Variants in PHTF2 observed in about 807,000 individuals in gnomAD.
PHTF2 encodes protein PHTF2.
In PHTF2, 60 loss-of-function variants were observed where a neutral mutation model predicts 101.2. That is an observed-to-expected ratio of 0.59 (90% CI 0.48 to 0.73). PHTF2 has a LOEUF of 0.73. PHTF2 is among the 30% of genes least tolerant of loss of function. The pLI is 0.00. For missense variants in PHTF2, 747 were observed against 908.7 expected, an observed-to-expected ratio of 0.82 and a Z score of 2.29; for synonymous variants, 311 against 307.3, an observed-to-expected ratio of 1.01 and a Z score of -0.13.
intron 3 of PHTF2, among the ~76,000 whole-genome samples, chr7:77,880,341 T>C (rs1000546050): frequency 6.6e-6 from 1 of 152,174 alleles, no homozygotes; most frequent in Non-Finnish European, 1.5e-5. Flanking sequence ...AATAGGAACA[T>C]TTTCAGGCTT....
chr7:77,888,848 G>T (rs1387708087), intron 3 of PHTF2, among the ~76,000 whole-genome samples: 1 of 147,164 alleles, frequency 6.8e-6, no homozygotes, highest in African/African-American at 2.6e-5. Context: ...CTGAGACCCT[G>T]TCTCAACAAA....
chr7:77,807,552 A>T (rs946465645), intron 1 of PHTF2, among the ~76,000 whole-genome samples: 6 of 152,066 alleles, frequency 3.9e-5, no homozygotes, highest in African/African-American at 1.4e-4. Context: ...AGGTTATTTG[A>T]TTTTTTGTTA....
intron 3 of PHTF2, among the ~76,000 whole-genome samples, chr7:77,866,574 C>A (rs1197956701): frequency 6.6e-6 from 1 of 151,864 alleles, no homozygotes; most frequent in Non-Finnish European, 1.5e-5. Context: ...ATCTGTAAAA[C>A]CTGACGTCTC....
At chr7:77,938,661 C>G (rs1209002355) in intron 13 of PHTF2, among the ~76,000 whole-genome samples, 3 of 152,170 alleles carry the variant, frequency 2.0e-5, no homozygotes, top group Non-Finnish European at 4.4e-5. Flanking sequence ...CCTGTAGTCC[C>G]AGCTACTCGG....
intron 2 of PHTF2, among the ~76,000 whole-genome samples, chr7:77,848,214 G>T (rs527251293): frequency 6.6e-6 from 1 of 152,242 alleles, no homozygotes; most frequent in Non-Finnish European, 1.5e-5. Flanking sequence ...CTATTTTGGG[G>T]TATATACCTA....
chr7:77,932,912 A>G (rs1435649459), intron 12 of PHTF2, among the ~76,000 whole-genome samples: 1 of 152,096 alleles, frequency 6.6e-6, no homozygotes, highest in Non-Finnish European at 1.5e-5. Context: ...TTCATTTTAC[A>G]TTGCTCAGAG....
chr7:77,884,972 C>T (rs1799709343), intron 3 of PHTF2, among the ~76,000 whole-genome samples: 1 of 152,076 alleles, frequency 6.6e-6, no homozygotes, highest in Non-Finnish European at 1.5e-5. Flanking sequence ...TAAACTTTGC[C>T]TATTAACATC....
intron 1 of PHTF2, among the ~76,000 whole-genome samples, chr7:77,802,289 T>A (rs1278761096): frequency 6.6e-6 from 1 of 152,214 alleles, no homozygotes; most frequent in Non-Finnish European, 1.5e-5. Context: ...TAATTGGAAA[T>A]TGCATACTTA....
chr7:77,955,124 G>T (rs1389913399), exon 20 of PHTF2: 1 of 256,934 alleles, frequency 3.9e-6, no homozygotes, highest in African/African-American at 2.2e-5. Flanking sequence ...TGATGAAACT[G>T]ATATCCAGAT....
At chr7:77,940,419 T>G in intron 14 of PHTF2, 109 bp from the exon 14 acceptor site, 1 of 1,295,868 alleles carries the variant, frequency 7.7e-7, no homozygotes, top group Non-Finnish European at 1.1e-6. Flanking sequence ...TTTTTTATTT[T>G]GCTTTTATAG....
intron 15 of PHTF2, among the ~76,000 whole-genome samples, chr7:77,941,049 C>T (rs967278420): frequency 1.3e-5 from 2 of 151,970 alleles, no homozygotes; most frequent in African/African-American, 4.8e-5. Context: ...TAGGAAAACA[C>T]TTTTTTTCTG....
intron 13 of PHTF2, among the ~76,000 whole-genome samples, chr7:77,939,782 C>T (rs549481412): frequency 6.6e-6 from 1 of 151,892 alleles, no homozygotes; most frequent in South Asian, 2.1e-4. Context: ...AAATTTTTTT[C>T]AAGATCTGGA....
chr7:77,806,164 C>CA (rs149083447), intron 1 of PHTF2, among the ~76,000 whole-genome samples: 23,094 of 125,542 alleles, frequency 0.18, 2,543 homozygotes, highest in African/African-American at 0.35. Context: ...GACTCCATCT[C>CA]AAAAAAAAAA....
intron 9 of PHTF2, among the ~76,000 whole-genome samples, chr7:77,913,387 G>GA (rs58943092): frequency 0.027 from 2,692 of 98,062 alleles, 40 homozygotes; most frequent in Middle Eastern, 0.17. Context: ...GACTCTGTCT[G>GA]AAAAAAAAAA....
At chr7:77,930,040 G>A (rs1804421215) in intron 12 of PHTF2, among the ~76,000 whole-genome samples, 1 of 143,436 alleles carries the variant, frequency 7.0e-6, no homozygotes, top group Non-Finnish European at 1.5e-5. Flanking sequence ...TGCAACCTTC[G>A]CCTCCCAGGT....
chr7:77,903,084 A>T (rs1211297272), intron 7 of PHTF2, among the ~76,000 whole-genome samples: 1 of 152,150 alleles, frequency 6.6e-6, no homozygotes. Flanking sequence ...ATGAACAGCT[A>T]CATTTTTTTT....
At chr7:77,851,007 T>A (rs1399623716) in intron 2 of PHTF2, among the ~76,000 whole-genome samples, 1 of 152,222 alleles carries the variant, frequency 6.6e-6, no homozygotes, top group Non-Finnish European at 1.5e-5. Context: ...TGTGTTATTG[T>A]ATTCGGTTTG....
At chr7:77,852,960 G>C (rs1197484672) in intron 2 of PHTF2, among the ~76,000 whole-genome samples, 3 of 152,086 alleles carry the variant, frequency 2.0e-5, no homozygotes, top group African/African-American at 7.2e-5. Flanking sequence ...ATGTATTGGA[G>C]CTCCATTGCA....
intron 3 of PHTF2, among the ~76,000 whole-genome samples, chr7:77,867,328 G>A (rs1408352980): frequency 1.3e-5 from 2 of 152,102 alleles, no homozygotes; most frequent in African/African-American, 4.8e-5. Context: ...TCGTTTTTGT[G>A]GATGGATATT....
Sources: gnomAD v4.1 joint callset for allele counts (sites outside exome capture counted in the v4.1 genomes callset) on GRCh38, gnomAD v4.1.1 for gene constraint, MANE v1.5 for transcripts, NCBI Gene and HGNC (gene_info 2026-07-23, HGNC 2026-07-21) for gene names.